CFAP77: variants seen among roughly 807,000 people sequenced by gnomAD.
CFAP77 encodes cilia- and flagella-associated protein 77.
CFAP77 carries 25 observed loss-of-function variants against 31.1 expected under a neutral mutation model. The ratio of observed to expected loss-of-function variants is 0.80; its 90% CI spans 0.59 to 1.12. The LOEUF (loss-of-function observed/expected upper bound fraction) is 1.12. CFAP77 is among the 50% of genes most tolerant of loss of function. The pLI is 0.00. For synonymous variants in CFAP77, 151 were observed against 159.9 expected, an observed-to-expected ratio of 0.94 and a Z score of 0.42; for missense variants, 377 against 397.3, an observed-to-expected ratio of 0.95 and a Z score of 0.44.
intron 1 of CFAP77, among the ~76,000 whole-genome samples, chr9:132,468,231 A>G (rs546118348): frequency 4.1e-4 from 63 of 152,280 alleles, no homozygotes; most frequent in African/African-American, 1.5e-3. Context: ...CAGTAGTCCT[A>G]GCTACTCAGG....
chr9:132,483,444 G>A (rs972525849), intron 1 of CFAP77, among the ~76,000 whole-genome samples: 3 of 152,126 alleles, frequency 2.0e-5, no homozygotes, highest in African/African-American at 7.2e-5. Context: ...GGGGTTGTGG[G>A]GGACCTGCAG....
chr9:132,475,189 C>A (rs74618959), intron 1 of CFAP77, among the ~76,000 whole-genome samples: 4,656 of 152,302 alleles, frequency 0.031, 237 homozygotes, highest in African/African-American at 0.1. Flanking sequence ...GCATTTTAAA[C>A]TTTCCAGCAA....
chr9:132,481,965 G>C lies in CFAP77; in HGVS notation c.196-16730G>C, dbSNP rs398088952. On this transcript the variant is annotated intron_variant, in intron 1 of 5. Coordinates refer to ENST00000393216, the MANE Select transcript of CFAP77 (RefSeq NM_001282957.2). This position sits in a 1 kb window ranked among gnomAD's most constrained non-coding sequence, Gnocchi z 5.0. ...AGGAACAAGGGTTTATGGTTGGGGGGGGGGGGGGCGGCGGAACACTGAACA... is the reference window on the plus strand; with the variant it reads ...AGGAACAAGGGTTTATGGTTGGGGGCGGGGGGGGCGGCGGAACACTGAACA... 2.9e-4 allele frequency among the ~76,000 whole-genome samples: 42 copies of C among 144,218 alleles called. No homozygotes were observed. Among genetic ancestry groups the C allele is most frequent in the South Asian group, 1.8e-3 (8 of 4,424 alleles). 94.6% of individuals were successfully genotyped at this position (144,218 alleles called of 152,430 possible). A position where few individuals can be genotyped will look rare whatever the true frequency, so the allele number is the denominator to read the frequency against.
At chr9:132,507,511 C>T (rs1045320696) in intron 3 of CFAP77, among the ~76,000 whole-genome samples, 1 of 152,238 alleles carries the variant, frequency 6.6e-6, no homozygotes, top group African/African-American at 2.4e-5. Flanking sequence ...CATCATCAGC[C>T]TGACGCTGAC....
At position 132,521,778 on chromosome 9, in the gene CFAP77, T is replaced by TGTTTTTTG. The variant is rs1554747339; in HGVS notation, c.525-15823_525-15822insGTTTTTTG. ...ATAGACTTGCTTTTTTTTTTTTTTTTTTTTTTGAGATGAAGTCTCACTCTG... is the reference window on the plus strand; with the variant it reads ...ATAGACTTGCTTTTTTTTTTTTTTTTGTTTTTTGTTTTTTGAGATGAAGTCTCACTCTG... On this transcript the variant is annotated intron_variant, in intron 3 of 5. Transcript: ENST00000393216. Among the ~76,000 whole-genome samples, 175 of 106,156 alleles carry TGTTTTTTG rather than the reference T, an allele frequency of 1.6e-3. 7 individuals are homozygous for TGTTTTTTG. The highest frequency in any genetic ancestry group is 5.6e-3 in the African/African-American group (147 of 26,052). The allele number at this position is 106,156 out of a possible 152,430, so 69.6% of individuals were successfully genotyped here. A position where few individuals can be genotyped will look rare whatever the true frequency, so the allele number is the denominator to read the frequency against.
Position 132,517,478 on chromosome 9 carries a change from T to C in CFAP77, c.524+17878T>C, listed in dbSNP as rs1005124477. On this transcript the variant is annotated intron_variant, in intron 3 of 5. Coordinates refer to ENST00000393216, the MANE Select transcript of CFAP77 (RefSeq NM_001282957.2). The surrounding 1 kb of genome is among the most constrained non-coding windows in gnomAD (Gnocchi z 4.7). ...GCTACTAAACCGAATTAGTAGTCAC[T>C]GATGACCAATTATTTTAGCCTGCTG... 6.6e-6 allele frequency among the ~76,000 whole-genome samples: 1 copy of C among 152,224 alleles called. No individual in the cohort carries two copies. The highest frequency in any genetic ancestry group is 1.9e-4 in the East Asian group (1 of 5,202).
At chr9:132,488,133 C>A (rs145723785) in intron 1 of CFAP77, among the ~76,000 whole-genome samples, 1 of 152,114 alleles carries the variant, frequency 6.6e-6, no homozygotes, top group Non-Finnish European at 1.5e-5. Flanking sequence ...TTAGTTTAGA[C>A]GCAGGGCTGG....
chr9:132,522,950 T>TC (rs1402818188), intron 3 of CFAP77, among the ~76,000 whole-genome samples: 1 of 152,200 alleles, frequency 6.6e-6, no homozygotes, highest in African/African-American at 2.4e-5. Context: ...TTCCTTTTTT[T>TC]CCTCTATTCT....
intron 1 of CFAP77, among the ~76,000 whole-genome samples, chr9:132,483,916 C>A (rs955401636): frequency 4.0e-5 from 6 of 151,736 alleles, no homozygotes; most frequent in African/African-American, 1.5e-4. Flanking sequence ...CATGGCATCT[C>A]CTTCCTGTGG....
rs973810612 is a variant in CFAP77, at chr9:132,490,134, G to T, written c.196-8561G>T. On this transcript the variant is annotated intron_variant, in intron 1 of 5. Transcript: ENST00000393216. The surrounding 1 kb of genome is among the most constrained non-coding windows in gnomAD (Gnocchi z 4.6). ...TCCTCGCATGACAGACGGACAGAAG[G>T]GGATAAAAAGGGCGAACTCCCTCCA... 2.3e-4 allele frequency among the ~76,000 whole-genome samples: 35 copies of T among 152,118 alleles called. 1 individual carries two copies. The highest frequency in any genetic ancestry group is 2.3e-3 in the Admixed American group (35 of 15,280).
chr9:132,459,220 C>T (rs576493815), intron 1 of CFAP77, among the ~76,000 whole-genome samples: 47 of 152,112 alleles, frequency 3.1e-4, no homozygotes, highest in Admixed American at 1.2e-3. Context: ...TACAGGCGCC[C>T]GCCACCACGC....
intron 3 of CFAP77, among the ~76,000 whole-genome samples, chr9:132,503,708 C>CTT (rs1353270149): frequency 6.6e-6 from 1 of 152,154 alleles, no homozygotes; most frequent in African/African-American, 2.4e-5. Context: ...CACACAACCT[C>CTT]TTCATGGCAG....
intron 1 of CFAP77, among the ~76,000 whole-genome samples, chr9:132,434,593 G>A (rs1351545690): frequency 6.6e-6 from 1 of 152,152 alleles, no homozygotes; most frequent in Non-Finnish European, 1.5e-5. Flanking sequence ...GCACAGCTAT[G>A]TGCACAGGTG....
chr9:132,547,230 G>A (rs1186186935), intron 5 of CFAP77, among the ~76,000 whole-genome samples: 1 of 152,170 alleles, frequency 6.6e-6, no homozygotes, highest in Non-Finnish European at 1.5e-5. Context: ...ATGACTCCAG[G>A]GACAGCCAGA....
At chr9:132,460,898 G>A (rs1443458361) in intron 1 of CFAP77, among the ~76,000 whole-genome samples, 1 of 152,132 alleles carries the variant, frequency 6.6e-6, no homozygotes, top group African/African-American at 2.4e-5. Flanking sequence ...GCTAATTTTT[G>A]TATTTTTAGT....
intron 3 of CFAP77, among the ~76,000 whole-genome samples, chr9:132,531,628 G>GA (rs200393305): frequency 6.2e-5 from 9 of 144,832 alleles, no homozygotes; most frequent in East Asian, 4.0e-4. Flanking sequence ...TAAGACATGG[G>GA]GGGGGGGGCA....
At chr9:132,422,483 G>C (rs1461665119) in intron 1 of CFAP77, among the ~76,000 whole-genome samples, 1 of 152,252 alleles carries the variant, frequency 6.6e-6, no homozygotes, top group Non-Finnish European at 1.5e-5. Flanking sequence ...GTCCTGGTCA[G>C]TGAAGAGTTA....
chr9:132,518,210 G>A (rs948291683), intron 3 of CFAP77, among the ~76,000 whole-genome samples: 1 of 152,124 alleles, frequency 6.6e-6, no homozygotes, highest in African/African-American at 2.4e-5. Context: ...GAGACCCCTG[G>A]ATGGGGCCCA....
At chr9:132,421,979 C>A (rs887503367) in intron 1 of CFAP77, among the ~76,000 whole-genome samples, 2 of 151,892 alleles carry the variant, frequency 1.3e-5, no homozygotes, top group Non-Finnish European at 2.9e-5. Context: ...CTTGGGGACA[C>A]CTCAGTGGAT....
Sources: allele counts gnomAD v4.1 joint callset (sites outside exome capture counted in the v4.1 genomes callset), GRCh38; gene constraint gnomAD v4.1.1; non-coding constraint Gnocchi (gnomAD v3.1); transcripts MANE v1.5; gene names NCBI Gene and HGNC (gene_info 2026-07-23, HGNC 2026-07-21).